Variants in TLL1 observed in about 807,000 individuals in gnomAD.
TLL1 encodes tolloid like 1, also known as tolloid-like protein 1.
Under a neutral mutation model 128.2 loss-of-function variants are expected in TLL1, and 49 were observed. That is an observed-to-expected ratio of 0.38 (90% CI 0.30 to 0.48). The LOEUF (loss-of-function observed/expected upper bound fraction) is 0.48, where lower values mean the gene tolerates loss of function less well. Among genes scored for constraint, TLL1 ranks in the 20% least tolerant of loss-of-function variants. TLL1 has a pLI of 0.96. For missense variants in TLL1, 1,123 were observed against 1,242.0 expected (o/e 0.90, Z 1.44); for synonymous variants, 454 against 418.8 (o/e 1.08, Z -1.03).
In TLL1 at chr4:166,014,440, A is replaced by T. The variant is rs375718088; in HGVS notation, c.922A>T (p.Met308Leu). The T allele has an allele frequency of 3.1e-6, 5 of 1,611,512 alleles. No homozygotes were observed. The Admixed American group carries it at 5.0e-5, about 16-fold the overall frequency. Reference sequence around the variant, plus strand: ...TTTGCTTCTGCTTTTTTTCAGGGGGATGTTTCTGGATACCATTCTCCCCTC... The same window carrying T: ...TTTGCTTCTGCTTTTTTTCAGGGGGTTGTTTCTGGATACCATTCTCCCCTC... The part of the protein sequence containing the change: ...HYARNTFSRG[M>L]FLDTILPSRD... The change falls in exon 8 of 21, where the codon ATG becomes TTG. Residue 308 changes from methionine (M) to leucine (L), a missense_variant. This residue lies in a region of TLL1 where 480 missense variants were observed against 542.4 expected (regional missense o/e 0.89). Coordinates refer to ENST00000061240, the MANE Select transcript of TLL1 (RefSeq NM_012464.5).
At chr4:166,093,217 T>C (rs558247859) in intron 19 of TLL1, among the ~76,000 whole-genome samples, 1 of 152,280 alleles carries the variant, frequency 6.6e-6, no homozygotes, top group South Asian at 2.1e-4. Flanking sequence ...GCACTGGCAC[T>C]GGTCTCTGAG....
At chr4:165,960,305 A>G (rs1735033022) in intron 1 of TLL1, among the ~76,000 whole-genome samples, 1 of 152,118 alleles carries the variant, frequency 6.6e-6, no homozygotes, top group African/African-American at 2.4e-5. Flanking sequence ...GAATTGTGAA[A>G]CTGAATCAAT....
chr4:166,089,195 A>G (rs1371674435), intron 18 of TLL1, among the ~76,000 whole-genome samples: 4 of 152,068 alleles, frequency 2.6e-5, no homozygotes, highest in Admixed American at 2.6e-4. Flanking sequence ...ATAACATTAT[A>G]TTTATAATTC....
Position 165,996,163 on chromosome 4 carries a change from C to T in TLL1, c.632+985C>T, listed in dbSNP as rs144706832. On this transcript the variant is annotated intron_variant, in intron 5 of 20. Transcript: ENST00000061240. Reference sequence around the variant, plus strand: ...GAGCTGCCCACATTGGGATTTTGCTCCTACCCATAGCTGTAATCATAATAT... The same window carrying T: ...GAGCTGCCCACATTGGGATTTTGCTTCTACCCATAGCTGTAATCATAATAT... Among the ~76,000 whole-genome samples the T allele has an allele frequency of 6.5e-3, 993 of 152,194 alleles. 11 individuals are homozygous for T. The highest frequency in any genetic ancestry group is 0.023 in the African/African-American group (946 of 41,504).
At chr4:166,066,414 G>T (rs1040020572) in intron 16 of TLL1, among the ~76,000 whole-genome samples, 3 of 151,546 alleles carry the variant, frequency 2.0e-5, no homozygotes, top group African/African-American at 4.8e-5. Context: ...AAACTCCCCA[G>T]ATTTTATGGA....
intron 1 of TLL1, among the ~76,000 whole-genome samples, chr4:165,945,076 A>C (rs902864658): frequency 1.3e-5 from 2 of 152,154 alleles, no homozygotes; most frequent in African/African-American, 4.8e-5. Context: ...GACATTTAGG[A>C]AATAGAATTT....
intron 6 of TLL1, among the ~76,000 whole-genome samples, chr4:166,005,955 A>G (rs917327069): frequency 1.3e-5 from 2 of 151,888 alleles, no homozygotes; most frequent in Non-Finnish European, 2.9e-5. Flanking sequence ...TATGGCCAAC[A>G]GAAAAAAATC....
chr4:165,973,030 G>A (rs1394420128), intron 1 of TLL1, among the ~76,000 whole-genome samples: 1 of 152,100 alleles, frequency 6.6e-6, no homozygotes, highest in Non-Finnish European at 1.5e-5. Context: ...CTTAATGCAG[G>A]TCCGTGCTTT....
intron 18 of TLL1, among the ~76,000 whole-genome samples, chr4:166,090,540 G>A (rs1741717103): frequency 6.6e-6 from 1 of 152,010 alleles, no homozygotes; most frequent in South Asian, 2.1e-4. Flanking sequence ...TACATGAAAA[G>A]TAAATTAAAA....
At chr4:166,024,442 G>A (rs1011406863) in intron 8 of TLL1, among the ~76,000 whole-genome samples, 1 of 152,136 alleles carries the variant, frequency 6.6e-6, no homozygotes, top group Non-Finnish European at 1.5e-5. Context: ...AAATTGTTGA[G>A]TGAAGGTTAG....
intron 1 of TLL1, among the ~76,000 whole-genome samples, chr4:165,894,433 A>G (rs1012728150): frequency 2.0e-5 from 3 of 152,178 alleles, no homozygotes; most frequent in African/African-American, 7.2e-5. Context: ...ATCTTTAAAT[A>G]ATGAAAGAAA....
intron 1 of TLL1, among the ~76,000 whole-genome samples, chr4:165,886,691 C>T (rs569779850): frequency 2.0e-5 from 3 of 152,246 alleles, no homozygotes; most frequent in South Asian, 4.2e-4. Flanking sequence ...TTCCATATAA[C>T]ACTTAATACA....
chr4:165,938,201 A>C (rs780138646), intron 1 of TLL1, among the ~76,000 whole-genome samples: 5 of 152,012 alleles, frequency 3.3e-5, no homozygotes, highest in Non-Finnish European at 4.4e-5. Flanking sequence ...TTCTTTAATT[A>C]TTTTGAAAGT....
intron 9 of TLL1, among the ~76,000 whole-genome samples, chr4:166,036,789 C>CTG (rs3047083): frequency 0.11 from 15,408 of 145,082 alleles, 785 homozygotes; most frequent in African/African-American, 0.11. Flanking sequence ...CCCTATCCAA[C>CTG]TGTGTGTGTG....
intron 9 of TLL1, among the ~76,000 whole-genome samples, chr4:166,029,838 C>T (rs1162791366): frequency 1.3e-5 from 2 of 151,988 alleles, no homozygotes; most frequent in African/African-American, 4.8e-5. Flanking sequence ...ATTTTTTATG[C>T]CTGAATAATA....
At chr4:166,038,523 C>T (rs555019858) in intron 9 of TLL1, among the ~76,000 whole-genome samples, 46 of 151,138 alleles carry the variant, frequency 3.0e-4, no homozygotes, top group Non-Finnish European at 3.5e-4. Flanking sequence ...TCCTTTGCAT[C>T]AGATAAGCAT....
chr4:165,994,057 C>G (rs1033482470), intron 3 of TLL1, among the ~76,000 whole-genome samples: 5 of 152,098 alleles, frequency 3.3e-5, no homozygotes, highest in Non-Finnish European at 7.4e-5. Context: ...TTGATAGTGA[C>G]TAGCAAGACA....
intron 1 of TLL1, among the ~76,000 whole-genome samples, chr4:165,967,460 G>A (rs1188374854): frequency 1.3e-5 from 2 of 152,188 alleles, no homozygotes; most frequent in Non-Finnish European, 2.9e-5. Flanking sequence ...ATAAAGACAG[G>A]CATAAGAAAT....
chr4:165,966,434 G>C (rs1021835564), intron 1 of TLL1, among the ~76,000 whole-genome samples: 2 of 151,680 alleles, frequency 1.3e-5, no homozygotes, highest in East Asian at 3.9e-4. Context: ...CAACAGGTTA[G>C]GCTCAGGAAT....
Sources: allele counts gnomAD v4.1 joint callset (sites outside exome capture counted in the v4.1 genomes callset), GRCh38; gene constraint gnomAD v4.1.1; regional missense constraint gnomAD v4.1.1; transcripts MANE v1.5; gene names NCBI Gene and HGNC (gene_info 2026-07-23, HGNC 2026-07-21).